The following NLGN1 variants were observed in gnomAD, a reference collection of about 807,000 sequenced individuals.
The protein encoded by NLGN1 is neuroligin 1, also known as neuroligin-1.
A neutral mutation model predicts 65.5 loss-of-function variants in NLGN1; 12 were observed. The ratio of observed to expected loss-of-function variants is 0.18; its 90% CI spans 0.12 to 0.30. NLGN1 has a LOEUF of 0.30. Ranked by LOEUF, NLGN1 falls within the 10% of genes least tolerant of loss-of-function variation. The pLI, the probability that NLGN1 is intolerant of heterozygous loss-of-function variation, is 1.00. For missense variants in NLGN1, 750 were observed against 1,007.1 expected (o/e 0.74, Z 3.46); for synonymous variants, 350 against 359.5 (o/e 0.97, Z 0.30).
At chr3:174,106,945 C>T (rs755881954) in intron 4 of NLGN1, among the ~76,000 whole-genome samples, 2 of 150,096 alleles carry the variant, frequency 1.3e-5, no homozygotes, top group Admixed American at 1.3e-4. Context: ...ATCTTCTACT[C>T]GATCTATTGA....
At chr3:173,771,799 T>C (rs1388646819) in intron 3 of NLGN1, among the ~76,000 whole-genome samples, 1 of 151,896 alleles carries the variant, frequency 6.6e-6, no homozygotes, top group East Asian at 1.9e-4. Context: ...CCATACCGTA[T>C]TGTAGTGTGG....
chr3:173,881,923 G>T (rs542018484), intron 4 of NLGN1, among the ~76,000 whole-genome samples: 1 of 152,002 alleles, frequency 6.6e-6, no homozygotes, highest in African/African-American at 2.4e-5. Context: ...GCCCAGATTC[G>T]TCAGAAGAAT....
At chr3:173,398,525 T>A (rs1187440453) in intron 1 of NLGN1, 2 of 152,220 alleles carry the variant, frequency 1.3e-5, no homozygotes, top group Admixed American at 1.3e-4. Context: ...TTTAAAATTA[T>A]TTAGGTTGAG....
chr3:173,585,714 G>A (rs1747310755), intron 2 of NLGN1, among the ~76,000 whole-genome samples: 1 of 152,232 alleles, frequency 6.6e-6, no homozygotes, highest in Non-Finnish European at 1.5e-5. Context: ...GCTAGCGAGT[G>A]CGCCAGGCAG....
chr3:174,233,601 G>T, intron 4 of NLGN1, among the ~76,000 whole-genome samples: 1 of 152,060 alleles, frequency 6.6e-6, no homozygotes, highest in African/African-American at 2.4e-5. Flanking sequence ...ATAACATCAA[G>T]GTTGACATAT....
intron 3 of NLGN1, among the ~76,000 whole-genome samples, chr3:173,709,564 G>T (rs1225117655): frequency 6.6e-6 from 1 of 152,058 alleles, no homozygotes; most frequent in Non-Finnish European, 1.5e-5. Flanking sequence ...CACTTGGGGA[G>T]GTTGAGACAG....
intron 3 of NLGN1, among the ~76,000 whole-genome samples, chr3:173,747,211 TTAAG>T (rs539795078): frequency 4.4e-4 from 60 of 137,540 alleles, no homozygotes; most frequent in South Asian, 1.5e-3. Context: ...ATATATATCT[TTAAG>T]TATATATATT....
intron 4 of NLGN1, among the ~76,000 whole-genome samples, chr3:174,068,219 A>C (rs12696347): frequency 1 from 152,168 of 152,168 alleles, 76,084 homozygotes; most frequent in Non-Finnish European, 1. Context: ...TGGGGCTCTA[A>C]TATCTTGAGG....
chr3:173,805,028 A>G (rs1560407329), intron 3 of NLGN1, among the ~76,000 whole-genome samples: 1 of 152,186 alleles, frequency 6.6e-6, no homozygotes, highest in Non-Finnish European at 1.5e-5. Flanking sequence ...CTCAGTCTCA[A>G]AAATAAAAAT....
intron 3 of NLGN1, among the ~76,000 whole-genome samples, chr3:173,781,910 C>T (rs558637175): frequency 9.9e-5 from 15 of 152,126 alleles, no homozygotes; most frequent in Non-Finnish European, 1.9e-4. Flanking sequence ...TCACGGAAAA[C>T]CTTAAAGTAA....
Position 173,912,082 on chromosome 3 carries a change from T to C in NLGN1, c.646+104250T>C, listed in dbSNP as rs1739724772. On this transcript the variant is annotated intron_variant, in intron 4 of 6. Transcript: ENST00000457714. The stretch of plus-strand genomic sequence containing the variant: ...ATATAAGCCAGTAACTAAATTCTCC[T>C]GCATATAATTTTTTCAAATGCAAAA... Among the ~76,000 whole-genome samples, 4 of 152,354 alleles carry C rather than the reference T, an allele frequency of 2.6e-5. No homozygotes were observed. In the South Asian group the frequency reaches 8.3e-4, roughly 32 times the overall value.
intron 4 of NLGN1, among the ~76,000 whole-genome samples, chr3:174,211,960 G>A (rs964286093): frequency 6.6e-5 from 10 of 152,180 alleles, no homozygotes; most frequent in African/African-American, 1.7e-4. Context: ...CCAGTCCCGC[G>A]CCATGCGCTC....
chr3:173,855,725 A>G (rs1727826090), intron 4 of NLGN1, among the ~76,000 whole-genome samples: 1 of 152,202 alleles, frequency 6.6e-6, no homozygotes, highest in Non-Finnish European at 1.5e-5. Context: ...TAGTTCTGTA[A>G]CTAATTTTGA....
rs1002347252 is a variant in NLGN1 at position 173,762,907 on chromosome 3, A to G, written c.494-44773A>G. Among the ~76,000 whole-genome samples the G allele has an allele frequency of 5.3e-5, 8 of 151,322 alleles. No individual in the cohort carries two copies. The South Asian group carries it at 8.3e-4, about 16-fold the overall frequency. ...AATCGTATGATACTTTAGGGCATCA[A>G]TTTCAATAAGTGTTGTGGAATTCTC... On this transcript the variant is annotated intron_variant, in intron 3 of 6. Coordinates refer to ENST00000457714, the Ensembl canonical transcript of NLGN1.
chr3:174,124,596 TATACATATATAC>T, intron 4 of NLGN1, among the ~76,000 whole-genome samples: 1 of 80,656 alleles, frequency 1.2e-5, no homozygotes, highest in African/African-American at 1.2e-4. Flanking sequence ...TATATATACG[TATACATATATAC>T]GTATATATAC....
At chr3:173,643,160 A>G (rs1757678734) in intron 3 of NLGN1, among the ~76,000 whole-genome samples, 1 of 152,136 alleles carries the variant, frequency 6.6e-6, no homozygotes, top group African/African-American at 2.4e-5. Flanking sequence ...AAATAGAGAG[A>G]GCTTTGGCGA....
At chr3:173,415,935 A>AGCGC (rs1220323177) in intron 1 of NLGN1, among the ~76,000 whole-genome samples, 1 of 137,336 alleles carries the variant, frequency 7.3e-6, no homozygotes, top group African/African-American at 2.7e-5. Flanking sequence ...AGAGAGAGAG[A>AGCGC]GAGAGAGAGC....
intron 4 of NLGN1, among the ~76,000 whole-genome samples, chr3:173,948,593 G>C (rs1747624091): frequency 6.6e-6 from 1 of 152,202 alleles, no homozygotes; most frequent in Non-Finnish European, 1.5e-5. Flanking sequence ...AGAGGCAACA[G>C]AGTCTAGGAC....
intron 4 of NLGN1, among the ~76,000 whole-genome samples, chr3:173,979,183 T>G (rs1349166980): frequency 6.6e-6 from 1 of 151,954 alleles, no homozygotes; most frequent in Non-Finnish European, 1.5e-5. Flanking sequence ...AAGCAAGAAC[T>G]GTGGAGGGCT....
Sources: gnomAD v4.1 joint callset for allele counts (sites outside exome capture counted in the v4.1 genomes callset) on GRCh38, gnomAD v4.1.1 for gene constraint, MANE v1.5 for transcripts, NCBI Gene and HGNC (gene_info 2026-07-23, HGNC 2026-07-21) for gene names.